Variants in UST observed in about 807,000 individuals in gnomAD.
The protein encoded by UST is chondroitin sulfate 2-O-sulfotransferase.
In UST, 21 loss-of-function variants were observed where a neutral mutation model predicts 45.6. That is an observed-to-expected ratio of 0.46 (90% CI 0.33 to 0.66). UST has a LOEUF of 0.66. Among genes scored for constraint, UST ranks in the 30% least tolerant of loss-of-function variants. UST has a pLI of 0.02. For missense variants in UST, 463 were observed against 512.4 expected (o/e 0.90, Z 0.93); for synonymous variants, 215 against 200.6 (o/e 1.07, Z -0.61).
At chr6:148,974,735 CCCCA>C (rs1488454716) in intron 5 of UST, among the ~76,000 whole-genome samples, 1 of 152,224 alleles carries the variant, frequency 6.6e-6, no homozygotes, top group African/African-American at 2.4e-5. Context: ...CTGCAAGAAG[CCCCA>C]GCCGCCTAAT....
chr6:148,991,001 T>C (rs1249133399), intron 5 of UST, among the ~76,000 whole-genome samples: 1 of 152,166 alleles, frequency 6.6e-6, no homozygotes, highest in African/African-American at 2.4e-5. Context: ...GCCCCACCTG[T>C]CATGGAGCTG....
At chr6:149,033,358 T>C (rs1776185581) in intron 7 of UST, among the ~76,000 whole-genome samples, 1 of 152,258 alleles carries the variant, frequency 6.6e-6, no homozygotes, top group Non-Finnish European at 1.5e-5. Context: ...TCTATTTTTG[T>C]CTGGCTAAAT....
chr6:149,009,975 A>T (rs1267929484), intron 5 of UST, among the ~76,000 whole-genome samples: 3 of 151,814 alleles, frequency 2.0e-5, no homozygotes, highest in South Asian at 2.1e-4. Flanking sequence ...AAATTTTTTT[A>T]AATTTATTTT....
intron 2 of UST, among the ~76,000 whole-genome samples, chr6:148,893,051 T>C (rs980082627): frequency 6.6e-6 from 1 of 152,180 alleles, no homozygotes; most frequent in Non-Finnish European, 1.5e-5. Flanking sequence ...TAGCTAGAAC[T>C]GCTTCAAATT....
At chr6:148,871,117 C>CCTCTCCCTCT (rs1554221901) in intron 1 of UST, among the ~76,000 whole-genome samples, 4 of 97,598 alleles carry the variant, frequency 4.1e-5, no homozygotes, top group East Asian at 3.3e-4. Context: ...GCATTCTCTC[C>CCTCTCCCTCT]CTCTCTCTCT....
intron 1 of UST, among the ~76,000 whole-genome samples, chr6:148,775,627 T>A (rs931324089): frequency 3.4e-5 from 4 of 116,620 alleles, no homozygotes; most frequent in Admixed American, 8.5e-5. Flanking sequence ...TTTAATTAAA[T>A]TTTTTTTTTT....
At chr6:148,872,096 C>T (rs548830696) in intron 1 of UST, among the ~76,000 whole-genome samples, 11 of 152,166 alleles carry the variant, frequency 7.2e-5, no homozygotes, top group Non-Finnish European at 1.5e-4. Context: ...TGTACTGACT[C>T]GTAACAAAGC....
chr6:148,880,287 C>G (rs1778800129), intron 1 of UST, among the ~76,000 whole-genome samples: 1 of 152,156 alleles, frequency 6.6e-6, no homozygotes, highest in Admixed American at 6.6e-5. Flanking sequence ...ATTGTCTTGT[C>G]ATAGAAGACT....
At position 148,838,416 on chromosome 6, in the gene UST, G is replaced by A. The variant is rs1039508343; in HGVS notation, c.248-48570G>A. ...CCTAAGATAACAGAAAGCCTTTAGAGTATCCAAACAGGTGTATTCCAATCA... is the reference window on the plus strand; with the variant it reads ...CCTAAGATAACAGAAAGCCTTTAGAATATCCAAACAGGTGTATTCCAATCA... On this transcript the variant is annotated intron_variant, in intron 1 of 7. Transcript: ENST00000367463. Among the ~76,000 whole-genome samples the A allele has an allele frequency of 4.6e-5, 7 of 152,330 alleles. No individual in the cohort carries two copies. The South Asian group carries it at 1.4e-3, about 32-fold the overall frequency.
chr6:148,895,445 G>A (rs1404098356), intron 2 of UST, among the ~76,000 whole-genome samples: 2 of 152,194 alleles, frequency 1.3e-5, no homozygotes, highest in Non-Finnish European at 2.9e-5. Context: ...AAGGAAGTCT[G>A]CTGTCTCTCA....
rs113614560 is a variant in UST at position 148,885,272 on chromosome 6, C to T, written c.248-1714C>T. 5.5e-3 allele frequency among the ~76,000 whole-genome samples: 839 copies of T among 152,204 alleles called. 8 individuals are homozygous for T. The highest frequency in any genetic ancestry group is 0.019 in the African/African-American group (776 of 41,526). Reference sequence around the variant, plus strand: ...TGTGTGCTGGGATTTCTCACGCTTCCCCTGGGGAAGGCATATTCCCATGCT... The same window carrying T: ...TGTGTGCTGGGATTTCTCACGCTTCTCCTGGGGAAGGCATATTCCCATGCT... On this transcript the variant is annotated intron_variant, in intron 1 of 7. Transcript: ENST00000367463.
intron 6 of UST, 97 bp from the exon 7 acceptor site, chr6:149,021,227 C>A (rs1775974917): frequency 3.8e-6 from 5 of 1,327,676 alleles, no homozygotes; most frequent in South Asian, 1.4e-5. Context: ...TGGACTTATG[C>A]AAGTGAAGGT....
chr6:148,996,800 A>G (rs181284705), intron 5 of UST, among the ~76,000 whole-genome samples: 23 of 152,346 alleles, frequency 1.5e-4, no homozygotes, highest in African/African-American at 5.5e-4. Flanking sequence ...TTGTGTGTTT[A>G]TACAGCCTTG....
At chr6:148,895,725 T>C (rs1415537384) in intron 2 of UST, among the ~76,000 whole-genome samples, 1 of 152,252 alleles carries the variant, frequency 6.6e-6, no homozygotes, top group Non-Finnish European at 1.5e-5. Flanking sequence ...TTCTCTTGTC[T>C]GCTGCCATGT....
intron 5 of UST, among the ~76,000 whole-genome samples, chr6:148,992,563 T>G (rs965493347): frequency 4.6e-5 from 7 of 152,150 alleles, no homozygotes; most frequent in Non-Finnish European, 8.8e-5. Context: ...AAATGGCAAA[T>G]ACAGATTCCT....
intron 1 of UST, among the ~76,000 whole-genome samples, chr6:148,758,336 A>T (rs1392096138): frequency 6.6e-6 from 1 of 152,182 alleles, no homozygotes; most frequent in Non-Finnish European, 1.5e-5. Context: ...GATAGTCTTT[A>T]AATGACACAT....
intron 1 of UST, among the ~76,000 whole-genome samples, chr6:148,749,266 T>A (rs1220340286): frequency 6.6e-6 from 1 of 152,232 alleles, no homozygotes; most frequent in African/African-American, 2.4e-5. Flanking sequence ...CTCTGACACC[T>A]GCTAGTGCCA....
At chr6:148,967,818 G>C (rs748564682) in intron 5 of UST, among the ~76,000 whole-genome samples, 5 of 152,246 alleles carry the variant, frequency 3.3e-5, no homozygotes, top group Non-Finnish European at 7.3e-5. Flanking sequence ...AATTCGGGCA[G>C]TTCTGCCCCT....
chr6:148,945,513 T>G (rs551197618), intron 3 of UST, among the ~76,000 whole-genome samples: 1 of 152,214 alleles, frequency 6.6e-6, no homozygotes, highest in East Asian at 1.9e-4. Flanking sequence ...CAGCCAGGGT[T>G]AAGAAGCTCT....
Sources: allele counts gnomAD v4.1 joint callset (sites outside exome capture counted in the v4.1 genomes callset), GRCh38; gene constraint gnomAD v4.1.1; transcripts MANE v1.5; gene names NCBI Gene and HGNC (gene_info 2026-07-23, HGNC 2026-07-21).